The following CDIN1 variants were observed in gnomAD, a reference collection of about 807,000 sequenced individuals.
CDIN1 encodes the protein CDAN1-interacting nuclease 1.
In CDIN1, 33 loss-of-function variants were observed where a neutral mutation model predicts 45.3. That is an observed-to-expected ratio of 0.73 (90% confidence interval 0.55 to 0.97). CDIN1 has a LOEUF of 0.97. Ranked by LOEUF, CDIN1 falls within the 50% of genes least tolerant of loss-of-function variation. The probability of loss-of-function intolerance (pLI) is 0.00; values close to 1 mark genes in which losing one functional copy is unlikely to be tolerated. For synonymous variants in CDIN1, 118 were observed against 124.4 expected, an observed-to-expected ratio of 0.95 and a Z score of 0.34; for missense variants, 303 against 339.4, an observed-to-expected ratio of 0.89 and a Z score of 0.84.
chr15:36,801,078 T>C (rs1251745300), intron 10 of CDIN1, among the ~76,000 whole-genome samples: 3 of 151,194 alleles, frequency 2.0e-5, no homozygotes, highest in African/African-American at 7.3e-5. Flanking sequence ...AAACTTAAAA[T>C]TATCAGATCA....
intron 8 of CDIN1, chr15:36,705,861 A>G (rs1033945546): frequency 3.9e-5 from 6 of 152,202 alleles, no homozygotes; most frequent in Non-Finnish European, 8.8e-5. Flanking sequence ...GATTGGTTTC[A>G]TATTGATTCC....
chr15:36,592,806 CT>C (rs998744301), intron 1 of CDIN1, among the ~76,000 whole-genome samples: 1 of 151,746 alleles, frequency 6.6e-6, no homozygotes, highest in Non-Finnish European at 1.5e-5. Context: ...AAAGTGAATC[CT>C]TTTTAAAATT....
intron 9 of CDIN1, 66 bp downstream of exon 9, chr15:36,709,354 A>C: frequency 1.7e-6 from 2 of 1,210,242 alleles, no homozygotes; most frequent in South Asian, 3.2e-5. Flanking sequence ...TAATTTTTTT[A>C]TGTTAATATT....
At chr15:36,806,563 T>A (rs527484732) in intron 10 of CDIN1, among the ~76,000 whole-genome samples, 3 of 152,180 alleles carry the variant, frequency 2.0e-5, no homozygotes, top group Admixed American at 2.0e-4. Context: ...GAAGAATGTG[T>A]TGAGCTTAAT....
intron 10 of CDIN1, among the ~76,000 whole-genome samples, chr15:36,807,277 A>G (rs2055261044): frequency 1.3e-5 from 2 of 152,198 alleles, no homozygotes; most frequent in South Asian, 2.1e-4. Flanking sequence ...TTGGCCTAGC[A>G]TGGTTCAGCC....
At chr15:36,802,122 T>A (rs2055069954) in intron 10 of CDIN1, among the ~76,000 whole-genome samples, 1 of 152,180 alleles carries the variant, frequency 6.6e-6, no homozygotes, top group Admixed American at 6.5e-5. Flanking sequence ...GTTACAAGGG[T>A]AAGCCATAGA....
At chr15:36,584,690 G>A (rs1274907337) in intron 1 of CDIN1, among the ~76,000 whole-genome samples, 1 of 151,996 alleles carries the variant, frequency 6.6e-6, no homozygotes, top group Non-Finnish European at 1.5e-5. Flanking sequence ...CACGGGACAC[G>A]CTCACACACA....
chr15:36,647,966 G>C (rs1463577742), intron 3 of CDIN1, among the ~76,000 whole-genome samples: 1 of 151,476 alleles, frequency 6.6e-6, no homozygotes, highest in Non-Finnish European at 1.5e-5. Context: ...CAGCCTCCTG[G>C]GTGGCTGGGA....
chr15:36,774,163 T>TGTGTGTGTGTGTGTGTGTGCGCGC (rs149222188), intron 10 of CDIN1, among the ~76,000 whole-genome samples: 1 of 143,068 alleles, frequency 7.0e-6, no homozygotes, highest in African/African-American at 2.7e-5. Flanking sequence ...TGTGTGTGTG[T>TGTGTGTGTGTGTGTGTGTGCGCGC]GCGCGCGCGC....
chr15:36,758,142 C>A (rs2053659281), intron 10 of CDIN1, among the ~76,000 whole-genome samples: 1 of 151,982 alleles, frequency 6.6e-6, no homozygotes, highest in South Asian at 2.1e-4. Flanking sequence ...TATAATACTA[C>A]TATTCATAGG....
intron 10 of CDIN1, among the ~76,000 whole-genome samples, chr15:36,716,421 C>T (rs917873828): frequency 1.3e-5 from 2 of 152,158 alleles, no homozygotes; most frequent in South Asian, 2.1e-4. Flanking sequence ...TTACCAATAT[C>T]GGGAGTATAG....
At chr15:36,716,613 T>G (rs985122418) in intron 10 of CDIN1, among the ~76,000 whole-genome samples, 1 of 152,152 alleles carries the variant, frequency 6.6e-6, no homozygotes, top group Non-Finnish European at 1.5e-5. Context: ...TTACCCTATT[T>G]TAATTGGTGT....
At chr15:36,787,709 AT>A (rs1314401108) in intron 10 of CDIN1, among the ~76,000 whole-genome samples, 1 of 152,116 alleles carries the variant, frequency 6.6e-6, no homozygotes, top group Non-Finnish European at 1.5e-5. Context: ...TTAGATTTTA[AT>A]CGTACTATAG....
chr15:36,755,379 A>G (rs553046242), intron 10 of CDIN1, among the ~76,000 whole-genome samples: 1 of 151,900 alleles, frequency 6.6e-6, no homozygotes, highest in East Asian at 1.9e-4. Flanking sequence ...TTTTAGTACA[A>G]TTTTCTCGTT....
chr15:36,688,079 A>G (rs1164189764), intron 5 of CDIN1, among the ~76,000 whole-genome samples: 1 of 152,120 alleles, frequency 6.6e-6, no homozygotes, highest in Admixed American at 6.5e-5. Context: ...AATGAATTTT[A>G]TAAAAATAGT....
At chr15:36,624,414 T>A (rs1052154041) in intron 1 of CDIN1, among the ~76,000 whole-genome samples, 1 of 152,234 alleles carries the variant, frequency 6.6e-6, no homozygotes, top group Non-Finnish European at 1.5e-5. Flanking sequence ...GGCATTCCAT[T>A]TGTTGTTTTA....
intron 10 of CDIN1, among the ~76,000 whole-genome samples, chr15:36,769,001 G>A (rs546547663): frequency 4.6e-5 from 7 of 152,170 alleles, no homozygotes; most frequent in African/African-American, 1.4e-4. Context: ...AAAAAAAATT[G>A]CAAAAGGTTG....
In CDIN1 at chr15:36,808,308, T is replaced by C; in HGVS notation, c.717-16T>C. 1 of 1,613,042 alleles carries C rather than the reference T, an allele frequency of 6.2e-7. No individual in the cohort carries two copies. The highest frequency in any genetic ancestry group is 8.5e-7 in the Non-Finnish European group (1 of 1,179,268). Reference sequence around the variant, plus strand: ...TTGATACCATGTGTGTGTGTTATTTTCTGGTGTTTTTACAGATTTGGGCCA... The same window carrying C: ...TTGATACCATGTGTGTGTGTTATTTCCTGGTGTTTTTACAGATTTGGGCCA... On this transcript the variant is annotated splice_polypyrimidine_tract_variant and intron_variant, in intron 10 of 10. Transcript: ENST00000566621.
intron 1 of CDIN1, among the ~76,000 whole-genome samples, chr15:36,594,522 A>T (rs149862275): frequency 1.9e-3 from 291 of 152,298 alleles, no homozygotes; most frequent in African/African-American, 5.8e-3. Flanking sequence ...GGACGATTGT[A>T]TTCTGCACTG....
Sources: gnomAD v4.1 joint callset for allele counts (sites outside exome capture counted in the v4.1 genomes callset) on GRCh38, gnomAD v4.1.1 for gene constraint, MANE v1.5 for transcripts, NCBI Gene and HGNC (gene_info 2026-07-23, HGNC 2026-07-21) for gene names.